ILKAP: variants seen among roughly 807,000 people sequenced by gnomAD.
The protein encoded by ILKAP is integrin-linked kinase-associated serine/threonine phosphatase 2C.
ILKAP carries 11 observed loss-of-function variants against 49.1 expected under a neutral mutation model. That is an observed-to-expected ratio of 0.22 (90% CI 0.14 to 0.37). ILKAP has a LOEUF of 0.37. Among genes scored for constraint, ILKAP ranks in the 10% least tolerant of loss-of-function variants. The pLI is 1.00. For missense variants in ILKAP, 363 were observed against 510.8 expected, an observed-to-expected ratio of 0.71 and a Z score of 2.79; for synonymous variants, 186 against 192.8, an observed-to-expected ratio of 0.96 and a Z score of 0.29.
intron 6 of ILKAP, among the ~76,000 whole-genome samples, chr2:238,184,744 T>TTA (rs397954271): frequency 1.3e-5 from 2 of 150,238 alleles, no homozygotes; most frequent in African/African-American, 4.9e-5. Context: ...TTTTTTTTTT[T>TTA]ATAGAGATAG....
intron 1 of ILKAP, among the ~76,000 whole-genome samples, chr2:238,202,881 G>A (rs1428188546): frequency 9.3e-5 from 13 of 139,828 alleles, no homozygotes; most frequent in South Asian, 4.6e-4. Context: ...AACTTCCCGT[G>A]GACCAGAAAA....
intron 9 of ILKAP, among the ~76,000 whole-genome samples, chr2:238,179,267 G>C (rs1212712471): frequency 6.6e-6 from 1 of 152,154 alleles, no homozygotes; most frequent in Non-Finnish European, 1.5e-5. Context: ...GATTCACAAA[G>C]GAAGGATGGA....
At chr2:238,173,461 A>G (rs768630896) in intron 10 of ILKAP, 73 bp downstream of exon 10, 37 of 1,569,848 alleles carry the variant, frequency 2.4e-5, no homozygotes, top group Non-Finnish European at 3.1e-5. Flanking sequence ...CAAAGGCTTG[A>G]TAGAAACTGG....
chr2:238,170,579 G>A lies in ILKAP; in HGVS notation c.1136C>T (p.Ser379Leu), dbSNP rs781765693. Reference sequence around the variant, plus strand: ...CACCATCACAGTGACGTTGTCGGCCGAGCCCCGCTGCACCGCCTTGTTGGC... The same window carrying A: ...CACCATCACAGTGACGTTGTCGGCCAAGCCCCGCTGCACCGCCTTGTTGGC... Reference protein sequence around the residue: ...RLANKAVQRGSADNVTVMVVR... With the variant: ...RLANKAVQRGLADNVTVMVVR... Residue 379 changes from serine to leucine, a missense_variant, in exon 12 of 12, where the codon TCG becomes TTG. By Grantham distance (145) the Ser-to-Leu change is moderately radical. Coordinates refer to ENST00000254654, the MANE Select transcript of ILKAP (RefSeq NM_030768.3). The A allele has an allele frequency of 1.2e-6, 2 of 1,607,292 alleles. No individual in the cohort carries two copies. The highest frequency in any genetic ancestry group is 2.2e-5 in the East Asian group (1 of 44,658).
chr2:238,176,378 G>A (rs540512168), intron 9 of ILKAP, among the ~76,000 whole-genome samples: 4 of 151,966 alleles, frequency 2.6e-5, no homozygotes, highest in Non-Finnish European at 4.4e-5. Context: ...TGATCCACCC[G>A]CCTTGGCCCC....
chr2:238,197,257 T>C (rs1406280228), intron 1 of ILKAP, among the ~76,000 whole-genome samples: 1 of 152,162 alleles, frequency 6.6e-6, no homozygotes, highest in Non-Finnish European at 1.5e-5. Context: ...CTTACAAGAA[T>C]TCCTAATATC....
chr2:238,202,332 C>A (rs1694604372), intron 1 of ILKAP, among the ~76,000 whole-genome samples: 1 of 152,130 alleles, frequency 6.6e-6, no homozygotes, highest in Non-Finnish European at 1.5e-5. Flanking sequence ...CTCTCGGTGC[C>A]CGACAATCCC....
intron 1 of ILKAP, among the ~76,000 whole-genome samples, chr2:238,202,590 G>T (rs1694614500): frequency 6.6e-6 from 1 of 152,166 alleles, no homozygotes; most frequent in South Asian, 2.1e-4. Flanking sequence ...GGTGGGCCTG[G>T]AAATCTGAAC....
intron 1 of ILKAP, among the ~76,000 whole-genome samples, chr2:238,199,974 C>G (rs1459645834): frequency 6.6e-6 from 1 of 152,086 alleles, no homozygotes; most frequent in East Asian, 1.9e-4. Flanking sequence ...ATTTCCTCCT[C>G]AACAACTGAC....
At chr2:238,185,450 T>C (rs1272011385) in intron 5 of ILKAP, 163 bp from the exon 6 acceptor site, 7 of 533,676 alleles carry the variant, frequency 1.3e-5, no homozygotes, top group Non-Finnish European at 2.4e-5. Context: ...AAAAAAGGCT[T>C]TAACTGAGAC....
At chr2:238,202,012 G>A (rs1330502135) in intron 1 of ILKAP, among the ~76,000 whole-genome samples, 1 of 152,108 alleles carries the variant, frequency 6.6e-6, no homozygotes, top group East Asian at 1.9e-4. Flanking sequence ...ATCACCTGAG[G>A]TCAGGAGTTC....
chr2:238,183,093 G>C (rs143770144), intron 8 of ILKAP, among the ~76,000 whole-genome samples: 15 of 152,240 alleles, frequency 9.9e-5, no homozygotes, highest in Non-Finnish European at 2.1e-4. Context: ...CCAGCTTTCC[G>C]CAGCAGCACC....
At chr2:238,183,572 T>G in intron 8 of ILKAP, 81 bp downstream of exon 8, 2 of 990,330 alleles carry the variant, frequency 2.0e-6, no homozygotes, top group Non-Finnish European at 3.1e-6. Context: ...ATCACTTTAA[T>G]CTTATTCAAC....
At chr2:238,185,371 G>C in intron 5 of ILKAP, 84 bp from the exon 6 acceptor site, 1 of 846,588 alleles carries the variant, frequency 1.2e-6, no homozygotes. Context: ...TCGTCTCAAA[G>C]AGTGAACATT....
chr2:238,203,539 C>T lies in ILKAP; in HGVS notation c.15G>A (p.Gly5=). 8.2e-7 allele frequency: 1 copy of T among 1,215,236 alleles called. No homozygotes were observed. The highest frequency in any genetic ancestry group is 1.0e-6 in the Non-Finnish European group (1 of 971,998). 75.3% of individuals were successfully genotyped at this position (1,215,236 alleles called of 1,614,324 possible). A position where few individuals can be genotyped will look rare whatever the true frequency, so the allele number is the denominator to read the frequency against. Residue 5 remains glycine, a synonymous_variant, in exon 1 of 12, where the codon GGG becomes GGA. Transcript: ENST00000254654. ...GCGAGCGCTCGGGCTCCGGCAGGTCCCCGAAGAGGTCCATGGCGGAGGCTG... is the reference window on the plus strand; with the variant it reads ...GCGAGCGCTCGGGCTCCGGCAGGTCTCCGAAGAGGTCCATGGCGGAGGCTG... The part of the protein sequence containing the change: MDLF[G]DLPEPERSPR...
intron 5 of ILKAP, among the ~76,000 whole-genome samples, chr2:238,187,925 C>A (rs1693971664): frequency 6.6e-6 from 1 of 152,178 alleles, no homozygotes; most frequent in Non-Finnish European, 1.5e-5. Flanking sequence ...GTAACAACTC[C>A]CTCCCGCAGT....
Position 238,188,244 on chromosome 2 carries a change from G to A in ILKAP, c.312C>T (p.Ile104=). ...EKKVCKASSV[I]FGLKGYVAER... Reference sequence around the variant, plus strand: ...CAGCCACATAGCCCTTCAGACCAAAGATCACCGAAGAGGCTAAGGAAAAGA... The same window carrying A: ...CAGCCACATAGCCCTTCAGACCAAAAATCACCGAAGAGGCTAAGGAAAAGA... Residue 104 remains isoleucine (I), a synonymous_variant, in exon 5 of 12, where the codon ATC becomes ATT. Coordinates refer to ENST00000254654, the MANE Select transcript of ILKAP (RefSeq NM_030768.3). The A allele has an allele frequency of 6.2e-7, 1 of 1,613,794 alleles. No homozygotes were observed. Among genetic ancestry groups the A allele is most frequent in the South Asian group, 1.1e-5 (1 of 91,032 alleles).
At chr2:238,188,403 C>T in intron 4 of ILKAP, 146 bp from the exon 5 acceptor site, 1 of 899,702 alleles carries the variant, frequency 1.1e-6, no homozygotes, top group East Asian at 2.8e-5. Flanking sequence ...CCCCTTAAGG[C>T]ATCTCCCCCA....
At chr2:238,202,676 A>T (rs1227982870) in intron 1 of ILKAP, among the ~76,000 whole-genome samples, 1 of 152,180 alleles carries the variant, frequency 6.6e-6, no homozygotes, top group South Asian at 2.1e-4. Flanking sequence ...TCAAGCTGGA[A>T]GTCTTGCATA....
Sources: gnomAD v4.1 joint callset for allele counts (sites outside exome capture counted in the v4.1 genomes callset) on GRCh38, gnomAD v4.1.1 for gene constraint, MANE v1.5 for transcripts, NCBI Gene and HGNC (gene_info 2026-07-23, HGNC 2026-07-21) for gene names.